The following LPP variants were observed in gnomAD, a reference collection of about 807,000 sequenced individuals.
LPP encodes LIM domain containing preferred translocation partner in lipoma.
In LPP, 38 loss-of-function variants were observed where a neutral mutation model predicts 60.4. That is an observed-to-expected ratio of 0.63 (90% CI 0.49 to 0.83). The LOEUF is 0.83. LPP is among the 40% of genes least tolerant of loss of function. The pLI, the probability that LPP is intolerant of heterozygous loss-of-function variation, is 0.00. For synonymous variants in LPP, 328 were observed against 290.8 expected (o/e 1.13, Z -1.30); for missense variants, 902 against 783.6 (o/e 1.15, Z -1.80).
chr3:188,196,975 T>G (rs1560102126), intron 1 of LPP, among the ~76,000 whole-genome samples: 1 of 152,250 alleles, frequency 6.6e-6, no homozygotes, highest in Non-Finnish European at 1.5e-5. Context: ...TCCTCCATTT[T>G]AGGCCATTTG....
At chr3:188,313,927 G>A (rs573186662) in intron 2 of LPP, among the ~76,000 whole-genome samples, 35 of 152,204 alleles carry the variant, frequency 2.3e-4, no homozygotes, top group Admixed American at 1.0e-3. Flanking sequence ...TTATATGTGT[G>A]TGTGCCTCTG....
At chr3:188,296,957 A>G (rs541603295) in intron 2 of LPP, among the ~76,000 whole-genome samples, 6 of 152,346 alleles carry the variant, frequency 3.9e-5, no homozygotes, top group African/African-American at 1.2e-4. Flanking sequence ...ACAAGAAAAG[A>G]GAAGAAGCAG....
chr3:188,802,156 A>G (rs952922430), intron 9 of LPP, among the ~76,000 whole-genome samples: 7 of 152,240 alleles, frequency 4.6e-5, no homozygotes, highest in Non-Finnish European at 1.0e-4. Flanking sequence ...TAAATGGTCA[A>G]CGTAGTAGTC....
rs549264486 is a variant in LPP at position 188,236,610 on chromosome 3, C to T, written c.-67+11083C>T. Among the ~76,000 whole-genome samples the T allele has an allele frequency of 6.6e-5, 10 of 152,068 alleles. No homozygotes were observed. The South Asian group carries it at 1.9e-3, about 28-fold the overall frequency. ...CAATAAAACAAATATTGCAGTGAAG[C>T]GAGTCACACAAAATTATTGGTTCCC... On this transcript the variant is annotated intron_variant, in intron 2 of 11. Coordinates refer to ENST00000617246, the MANE Select transcript of LPP (RefSeq NM_001375462.1).
chr3:188,497,626 T>C (rs888753733), intron 5 of LPP, among the ~76,000 whole-genome samples: 2 of 152,192 alleles, frequency 1.3e-5, no homozygotes, highest in African/African-American at 4.8e-5. Flanking sequence ...CAGAACTTCA[T>C]AGAGTGTCTG....
intron 2 of LPP, among the ~76,000 whole-genome samples, chr3:188,246,595 T>G (rs2378394): frequency 0.6 from 91,929 of 151,994 alleles, 28,163 homozygotes; most frequent in Middle Eastern, 0.69. Context: ...TTCTACATTT[T>G]CTATTCAGCA....
Position 188,874,382 on chromosome 3 carries a change from A to G in LPP, c.1742A>G (p.Asn581Ser), listed in dbSNP as rs1447069764. ...GGTGGTCTCCTGTCTGAAGGAGATAACCAAGGCTGCTACCCCTTGGATGGG... is the reference window on the plus strand; with the variant it reads ...GGTGGTCTCCTGTCTGAAGGAGATAGCCAAGGCTGCTACCCCTTGGATGGG... ...DCGGLLSEGD[N>S]QGCYPLDGHI... Residue 581 changes from asparagine (N) to serine (S), a missense_variant, in exon 12 of 12, where the codon AAC becomes AGC. Physicochemically the swap from Asn to Ser is conservative, Grantham distance 46. Transcript: ENST00000617246. 1 of 1,614,078 alleles carries G rather than the reference A, an allele frequency of 6.2e-7. No individual in the cohort carries two copies. The highest frequency in any genetic ancestry group is 8.5e-7 in the Non-Finnish European group (1 of 1,179,940).
chr3:188,738,497 T>C (rs1723288731), intron 8 of LPP, among the ~76,000 whole-genome samples: 1 of 152,194 alleles, frequency 6.6e-6, no homozygotes, highest in African/African-American at 2.4e-5. Flanking sequence ...GGAATATGGT[T>C]TAGAATTCTG....
Position 188,660,017 on chromosome 3 carries a change from C to A in LPP, c.1114-48250C>A, listed in dbSNP as rs551861476. Among the ~76,000 whole-genome samples the A allele has an allele frequency of 6.6e-5, 10 of 151,950 alleles. 1 individual carries two copies. The highest frequency in any genetic ancestry group is 4.1e-4 in the South Asian group (2 of 4,832). On this transcript the variant is annotated intron_variant, in intron 7 of 11. Coordinates refer to ENST00000617246, the MANE Select transcript of LPP (RefSeq NM_001375462.1). The stretch of plus-strand genomic sequence containing the variant: ...GGTTAGGTCCTTTAAAGCGTAAGCA[C>A]GAGAGAATAAAATGAATGGAATGGC...
chr3:188,656,424 G>A (rs775365921), intron 7 of LPP, among the ~76,000 whole-genome samples: 2 of 152,124 alleles, frequency 1.3e-5, no homozygotes, highest in African/African-American at 2.4e-5. Flanking sequence ...ATCGCAAACT[G>A]TTTGAGATCC....
At chr3:188,495,982 C>CT (rs1810064852) in intron 5 of LPP, among the ~76,000 whole-genome samples, 1 of 152,116 alleles carries the variant, frequency 6.6e-6, no homozygotes, top group Non-Finnish European at 1.5e-5. Flanking sequence ...TTTTTGTACT[C>CT]TTACTATATA....
intron 3 of LPP, among the ~76,000 whole-genome samples, chr3:188,369,307 A>T (rs574844720): frequency 2.0e-4 from 30 of 150,622 alleles, no homozygotes; most frequent in East Asian, 5.8e-4. Flanking sequence ...TTTTTTTTTT[A>T]AATTCTCCAT....
intron 6 of LPP, among the ~76,000 whole-genome samples, chr3:188,527,788 A>G (rs13063326): frequency 0.46 from 68,978 of 148,510 alleles, 16,782 homozygotes; most frequent in East Asian, 0.92. Context: ...TCACTCTGTC[A>G]CCCAGGCTGG....
At chr3:188,334,006 C>T (rs892614020) in intron 2 of LPP, among the ~76,000 whole-genome samples, 4 of 152,174 alleles carry the variant, frequency 2.6e-5, no homozygotes, top group African/African-American at 9.7e-5. Context: ...CATTTACCAA[C>T]CTTTGGCTAT....
intron 9 of LPP, among the ~76,000 whole-genome samples, chr3:188,829,337 C>T (rs1359985060): frequency 1.3e-5 from 2 of 152,178 alleles, no homozygotes; most frequent in African/African-American, 4.8e-5. Context: ...GGAATCTTCT[C>T]ACAGATCAAG....
intron 5 of LPP, among the ~76,000 whole-genome samples, chr3:188,522,171 C>G (rs1444394419): frequency 6.6e-6 from 1 of 152,168 alleles, no homozygotes; most frequent in Non-Finnish European, 1.5e-5. Context: ...TTTAATCAGA[C>G]TGGAAATTCA....
At chr3:188,552,738 T>G (rs1828481977) in intron 6 of LPP, among the ~76,000 whole-genome samples, 1 of 152,194 alleles carries the variant, frequency 6.6e-6, no homozygotes, top group South Asian at 2.1e-4. Context: ...TGGGAAAGAT[T>G]CTTTGCTTTT....
chr3:188,233,165 C>T (rs1425070636), intron 2 of LPP, among the ~76,000 whole-genome samples: 1 of 152,144 alleles, frequency 6.6e-6, no homozygotes, highest in Non-Finnish European at 1.5e-5. Flanking sequence ...CATAATGACT[C>T]CCAAGGCCTA....
chr3:188,362,375 C>G (rs9842232), intron 3 of LPP, among the ~76,000 whole-genome samples: 52,413 of 151,970 alleles, frequency 0.34, 10,723 homozygotes, highest in Middle Eastern at 0.59. Flanking sequence ...TGTTTGTCTT[C>G]TTCTTTACTG....
Sources: allele counts gnomAD v4.1 joint callset (sites outside exome capture counted in the v4.1 genomes callset), GRCh38; gene constraint gnomAD v4.1.1; transcripts MANE v1.5; gene names NCBI Gene and HGNC (gene_info 2026-07-23, HGNC 2026-07-21).